Variants in NKAIN2 observed in about 807,000 individuals in gnomAD.
NKAIN2 encodes the protein sodium/potassium transporting ATPase interacting 2.
Under a neutral mutation model 32.6 loss-of-function variants are expected in NKAIN2, and 14 were observed. That is an observed-to-expected ratio of 0.43 (90% CI 0.28 to 0.67). The LOEUF (loss-of-function observed/expected upper bound fraction) is 0.67, where lower values mean the gene tolerates loss of function less well. Among genes scored for constraint, NKAIN2 ranks in the 30% least tolerant of loss-of-function variants. NKAIN2 has a pLI of 0.17. For missense variants in NKAIN2, 198 were observed against 258.3 expected, an observed-to-expected ratio of 0.77 and a Z score of 1.60; for synonymous variants, 80 against 87.2, an observed-to-expected ratio of 0.92 and a Z score of 0.46.
At chr6:124,033,697 T>C (rs1173793106) in intron 1 of NKAIN2, among the ~76,000 whole-genome samples, 1 of 152,078 alleles carries the variant, frequency 6.6e-6, no homozygotes, top group Non-Finnish European at 1.5e-5. Flanking sequence ...TGCAACACTG[T>C]TGGGAATTTG....
intron 4 of NKAIN2, among the ~76,000 whole-genome samples, chr6:124,720,742 A>G (rs959825716): frequency 3.9e-5 from 6 of 152,316 alleles, no homozygotes; most frequent in African/African-American, 1.4e-4. Context: ...CAGTGACCAC[A>G]TCTGCAGAGC....
At chr6:124,218,628 C>A (rs1791613684) in intron 1 of NKAIN2, among the ~76,000 whole-genome samples, 1 of 152,114 alleles carries the variant, frequency 6.6e-6, no homozygotes, top group East Asian at 1.9e-4. Context: ...ATAACATTGG[C>A]TGATACTTAT....
At chr6:123,971,791 G>T (rs1661016943) in intron 1 of NKAIN2, among the ~76,000 whole-genome samples, 1 of 152,054 alleles carries the variant, frequency 6.6e-6, no homozygotes, top group African/African-American at 2.4e-5. Context: ...TGAAAGTTTG[G>T]CTCTTGTTTA....
intron 1 of NKAIN2, among the ~76,000 whole-genome samples, chr6:124,199,116 G>C (rs1166313955): frequency 6.6e-6 from 1 of 152,066 alleles, no homozygotes; most frequent in African/African-American, 2.4e-5. Flanking sequence ...TTACTTTGCG[G>C]TATCTCCTTT....
intron 1 of NKAIN2, among the ~76,000 whole-genome samples, chr6:124,087,325 T>A (rs1404394822): frequency 6.6e-6 from 1 of 151,922 alleles, no homozygotes; most frequent in East Asian, 1.9e-4. Context: ...ACATACTTAA[T>A]GTTGAGAAAC....
chr6:124,700,511 C>T (rs1377539029), intron 4 of NKAIN2, among the ~76,000 whole-genome samples: 3 of 152,102 alleles, frequency 2.0e-5, no homozygotes, highest in African/African-American at 4.8e-5. Flanking sequence ...GATTACAAAC[C>T]TCAGTTTGCA....
intron 3 of NKAIN2, among the ~76,000 whole-genome samples, chr6:124,424,806 A>G (rs1026721721): frequency 4.6e-5 from 7 of 152,148 alleles, no homozygotes; most frequent in African/African-American, 1.7e-4. Flanking sequence ...CTATATGTTC[A>G]TCTATGATGC....
At chr6:124,471,230 T>C (rs1390081442) in intron 3 of NKAIN2, among the ~76,000 whole-genome samples, 1 of 152,214 alleles carries the variant, frequency 6.6e-6, no homozygotes, top group African/African-American at 2.4e-5. Flanking sequence ...TGATATATTT[T>C]GTTTTTGGAA....
intron 1 of NKAIN2, among the ~76,000 whole-genome samples, chr6:124,280,336 A>G (rs566657923): frequency 1.1e-4 from 17 of 152,350 alleles, no homozygotes; most frequent in African/African-American, 3.6e-4. Flanking sequence ...AGTAGCATAT[A>G]TTATATAATC....
rs540569930 is a variant in NKAIN2, at chr6:124,066,789, G to T, written c.55-216216G>T. Reference sequence around the variant, plus strand: ...CAGGAATGCATATAATCCTTTTAGTGCAGAGCATATTCTAAGGATACTATC... The same window carrying T: ...CAGGAATGCATATAATCCTTTTAGTTCAGAGCATATTCTAAGGATACTATC... On this transcript the variant is annotated intron_variant, in intron 1 of 6. Transcript: ENST00000368417. Among the ~76,000 whole-genome samples the T allele has an allele frequency of 5.3e-5, 8 of 152,098 alleles. No homozygotes were observed. In the East Asian group the frequency reaches 9.7e-4, roughly 18 times the overall value.
chr6:123,987,385 T>A (rs1218961602), intron 1 of NKAIN2, among the ~76,000 whole-genome samples: 1 of 152,210 alleles, frequency 6.6e-6, no homozygotes, highest in Non-Finnish European at 1.5e-5. Context: ...GATCTGTTTT[T>A]GGAATGTGTA....
At chr6:124,113,175 C>T (rs1785461448) in intron 1 of NKAIN2, among the ~76,000 whole-genome samples, 1 of 152,132 alleles carries the variant, frequency 6.6e-6, no homozygotes. Context: ...TCCCACCAAT[C>T]AACCTACCCA....
chr6:124,727,234 C>T (rs1658781047), intron 4 of NKAIN2, among the ~76,000 whole-genome samples: 1 of 151,624 alleles, frequency 6.6e-6, no homozygotes, highest in Admixed American at 6.6e-5. Flanking sequence ...TCGAGAAGAG[C>T]AACTCCAAGA....
chr6:124,474,875 T>TAA (rs1562207704), intron 3 of NKAIN2, among the ~76,000 whole-genome samples: 10 of 146,858 alleles, frequency 6.8e-5, no homozygotes, highest in Non-Finnish European at 9.0e-5. Flanking sequence ...TATACATATA[T>TAA]TGTATATTAT....
chr6:124,688,931 A>T (rs1326467315), intron 4 of NKAIN2, among the ~76,000 whole-genome samples: 7 of 152,128 alleles, frequency 4.6e-5, no homozygotes, highest in Admixed American at 4.6e-4. Context: ...TAAAGCTGCT[A>T]TAAAGGTCTG....
chr6:124,441,273 A>G (rs1264321118), intron 3 of NKAIN2, among the ~76,000 whole-genome samples: 1 of 152,134 alleles, frequency 6.6e-6, no homozygotes, highest in East Asian at 1.9e-4. Flanking sequence ...CAGGCAGAAA[A>G]GAATAATCCA....
chr6:123,883,648 A>AAATTTTTTTTAAAATTTTAAAAAAC (rs1562238047), intron 1 of NKAIN2, among the ~76,000 whole-genome samples: 2 of 111,814 alleles, frequency 1.8e-5, no homozygotes, highest in Non-Finnish European at 3.9e-5. Context: ...TTTTAAAAAA[A>AAATTTTTTTTAAAATTTTAAAAAAC]AATTTTTTTT....
At position 124,151,232 on chromosome 6, in the gene NKAIN2, C is replaced by G. The variant is rs548678054; in HGVS notation, c.55-131773C>G. ...GATATACAATTCATACATATTATTT[C>G]AATATGAATTTAATTCATTTTACAT... On this transcript the variant is annotated intron_variant, in intron 1 of 6. Coordinates refer to ENST00000368417, the MANE Select transcript of NKAIN2 (RefSeq NM_001040214.3). Among the ~76,000 whole-genome samples the G allele has an allele frequency of 2.0e-5, 3 of 151,790 alleles. No homozygotes were observed. The South Asian group carries it at 6.2e-4, about 32-fold the overall frequency.
chr6:124,111,946 T>G (rs1785405150), intron 1 of NKAIN2, among the ~76,000 whole-genome samples: 1 of 152,126 alleles, frequency 6.6e-6, no homozygotes, highest in Middle Eastern at 3.2e-3. Context: ...AACTTACAAT[T>G]TAACTTCCTC....
Sources: allele counts gnomAD v4.1 joint callset (sites outside exome capture counted in the v4.1 genomes callset), GRCh38; gene constraint gnomAD v4.1.1; transcripts MANE v1.5; gene names NCBI Gene and HGNC (gene_info 2026-07-23, HGNC 2026-07-21).